NXPE2: variants seen among roughly 807,000 people sequenced by gnomAD.
NXPE2 encodes the protein neurexophilin and PC-esterase domain family member 2, also known as NXPE family member 2.
NXPE2 carries 34 observed loss-of-function variants against 34.4 expected under a neutral mutation model. The ratio of observed to expected loss-of-function variants is 0.99; its 90% confidence interval spans 0.75 to 1.31. NXPE2 has a LOEUF of 1.31. Among genes scored for constraint, NXPE2 ranks in the 40% most tolerant of loss-of-function variants. The pLI, the probability that NXPE2 is intolerant of heterozygous loss-of-function variation, is 0.00. For missense variants in NXPE2, 649 were observed against 672.5 expected (o/e 0.97, Z 0.39); for synonymous variants, 235 against 231.3 (o/e 1.02, Z -0.15).
chr11:114,527,182 A>G, the NXPE2 span: 1 of 152,598 alleles, frequency 6.6e-6, no homozygotes, highest in Non-Finnish European at 1.5e-5. Flanking sequence ...CATGTGTGAG[A>G]TGTGCCTCCC....
At chr11:114,765,711 C>A in the NXPE2 span, among the ~76,000 whole-genome samples, 1 of 152,144 alleles carries the variant, frequency 6.6e-6, no homozygotes, top group Non-Finnish European at 1.5e-5. Context: ...TCTGTGTATA[C>A]CTGATTTGGG....
chr11:114,467,924 A>G, the NXPE2 span, among the ~76,000 whole-genome samples: 398 of 152,138 alleles, frequency 2.6e-3, 2 homozygotes, highest in African/African-American at 9.3e-3. Flanking sequence ...TGAGAGAGAG[A>G]CACCCTATCT....
At chr11:114,617,992 G>A in the NXPE2 span, among the ~76,000 whole-genome samples, 757 of 150,996 alleles carry the variant, frequency 5.0e-3, 31 homozygotes, top group Non-Finnish European at 1.3e-3. Context: ...GTGTTGCCTC[G>A]TGGGTAACCA....
chr11:114,753,951 A>G, the NXPE2 span, among the ~76,000 whole-genome samples: 1 of 152,010 alleles, frequency 6.6e-6, no homozygotes, highest in Non-Finnish European at 1.5e-5. Flanking sequence ...GATGCAAAGT[A>G]CTGTAGCAGT....
chr11:114,620,639 AACCCAGTGGATT>A, the NXPE2 span, among the ~76,000 whole-genome samples: 4 of 151,918 alleles, frequency 2.6e-5, no homozygotes, highest in Non-Finnish European at 5.9e-5. Context: ...CCTCTAGAGT[AACCCAGTGGATT>A]ACCCAGTGGA....
the NXPE2 span, among the ~76,000 whole-genome samples, chr11:114,482,855 C>T: frequency 2.0e-5 from 3 of 152,248 alleles, no homozygotes; most frequent in African/African-American, 7.2e-5. Context: ...GAGAGATCTG[C>T]GAATGTACAA....
the NXPE2 span, among the ~76,000 whole-genome samples, chr11:114,640,709 G>C: frequency 6.6e-6 from 1 of 151,904 alleles, no homozygotes; most frequent in East Asian, 1.9e-4. Context: ...GATGATTAGT[G>C]ATACTGAGTA....
chr11:114,474,031 TA>T, the NXPE2 span, among the ~76,000 whole-genome samples: 2 of 152,154 alleles, frequency 1.3e-5, no homozygotes, highest in Non-Finnish European at 2.9e-5. Flanking sequence ...AGGTTTCCAG[TA>T]AATTAAAGTA....
At chr11:114,770,048 G>A in the NXPE2 span, among the ~76,000 whole-genome samples, 21 of 152,160 alleles carry the variant, frequency 1.4e-4, no homozygotes, top group Admixed American at 5.9e-4. Flanking sequence ...GGTGATCAAG[G>A]TACTTCAGGA....
chr11:114,717,381 C>T, the NXPE2 span, among the ~76,000 whole-genome samples: 845 of 152,202 alleles, frequency 5.6e-3, 23 homozygotes, highest in Admixed American at 0.051. Context: ...AAGTGATGTC[C>T]CTGAACGTGG....
the NXPE2 span, among the ~76,000 whole-genome samples, chr11:114,649,520 G>A: frequency 6.6e-6 from 1 of 152,198 alleles, no homozygotes. Context: ...GATTGAAATT[G>A]CCAGAAAAGG....
chr11:114,550,463 T>C, the NXPE2 span, among the ~76,000 whole-genome samples: 1 of 152,124 alleles, frequency 6.6e-6, no homozygotes, highest in Non-Finnish European at 1.5e-5. Context: ...GCACTCAACA[T>C]CAGTGAGGAT....
chr11:114,735,020 G>T, the NXPE2 span, among the ~76,000 whole-genome samples: 1 of 152,198 alleles, frequency 6.6e-6, no homozygotes, highest in Non-Finnish European at 1.5e-5. Context: ...CGAAGCAGGA[G>T]AATGGCGTGA....
At chr11:114,632,145 TTA>T in the NXPE2 span, among the ~76,000 whole-genome samples, 264 of 143,408 alleles carry the variant, frequency 1.8e-3, 2 homozygotes, top group Middle Eastern at 7.2e-3. Flanking sequence ...TTATAATTTA[TTA>T]TGTTATAAAT....
the NXPE2 span, among the ~76,000 whole-genome samples, chr11:114,575,771 CT>C: frequency 1.1e-4 from 17 of 152,198 alleles, no homozygotes; most frequent in East Asian, 2.9e-3. Context: ...AATGACAGTA[CT>C]GTCAAAAGCA....
the NXPE2 span, among the ~76,000 whole-genome samples, chr11:114,597,495 T>G: frequency 6.6e-6 from 1 of 152,200 alleles, no homozygotes; most frequent in East Asian, 1.9e-4. Flanking sequence ...ATGCACTCAG[T>G]TTTTTGATGG....
chr11:114,492,125 A>G, the NXPE2 span, among the ~76,000 whole-genome samples: 1 of 152,182 alleles, frequency 6.6e-6, no homozygotes. Flanking sequence ...AAACCTGCAC[A>G]TTGTGCACAT....
chr11:114,791,377 G>A, the NXPE2 span, among the ~76,000 whole-genome samples: 53 of 152,238 alleles, frequency 3.5e-4, no homozygotes, highest in South Asian at 6.2e-4. Flanking sequence ...TGAGGAAGCC[G>A]GGCCACCCAG....
At chr11:114,624,445 T>C in the NXPE2 span, among the ~76,000 whole-genome samples, 1 of 152,064 alleles carries the variant, frequency 6.6e-6, no homozygotes, top group Non-Finnish European at 1.5e-5. Context: ...TATTGCCTCA[T>C]GGGTAACCAC....
Sources: gnomAD v4.1 joint callset for allele counts (sites outside exome capture counted in the v4.1 genomes callset) on GRCh38, gnomAD v4.1.1 for gene constraint, MANE v1.5 for transcripts, NCBI Gene and HGNC (gene_info 2026-07-23, HGNC 2026-07-21) for gene names.